MRPS25: variants seen among roughly 807,000 people sequenced by gnomAD.
MRPS25 encodes the protein small ribosomal subunit protein mS25.
A neutral mutation model predicts 17.3 loss-of-function variants in MRPS25; 15 were observed. The ratio of observed to expected loss-of-function variants is 0.87; its 90% CI spans 0.58 to 1.34. The LOEUF (loss-of-function observed/expected upper bound fraction) is 1.34. Among genes scored for constraint, MRPS25 ranks in the 40% most tolerant of loss-of-function variants. The probability of loss-of-function intolerance (pLI) is 0.00; values close to 1 mark genes in which losing one functional copy is unlikely to be tolerated. For synonymous variants in MRPS25, 94 were observed against 83.3 expected (o/e 1.13, Z -0.70); for missense variants, 225 against 218.6 (o/e 1.03, Z -0.19).
intron 1 of MRPS25, among the ~76,000 whole-genome samples, chr3:15,062,146 GCCCCCC>G (rs2042775901): frequency 2.5e-5 from 1 of 39,814 alleles, no homozygotes; most frequent in Non-Finnish European, 5.1e-5. Flanking sequence ...CGGCGGGTCA[GCCCCCC>G]GCCCGGCCAG....
In MRPS25 at chr3:15,049,128, ATTG is replaced by A. The variant is rs1188515930; in HGVS notation, c.*3310_*3312del. The A allele has an allele frequency of 3.9e-5, 6 of 152,598 alleles. No homozygotes were observed. The highest frequency in any genetic ancestry group is 5.9e-5 in the Non-Finnish European group (4 of 68,028). 9.5% of individuals were successfully genotyped at this position (152,598 alleles called of 1,614,324 possible). On this transcript the variant is annotated 3_prime_UTR_variant, in exon 4 of 4. Coordinates refer to ENST00000253686, the MANE Select transcript of MRPS25 (RefSeq NM_022497.5). ...TCTTCAGTCTTGAAGAAGAATTTGC[ATTG>A]TTGTGTTTGTATATAGAGTATTGCA...
intron 1 of MRPS25, among the ~76,000 whole-genome samples, chr3:15,060,658 G>A (rs55902145): frequency 0.028 from 4,240 of 152,240 alleles, 103 homozygotes; most frequent in Non-Finnish European, 0.041. Flanking sequence ...CGAGGCGGGT[G>A]GATCACGAGG....
rs570471498 is a variant in MRPS25 at position 15,048,797 on chromosome 3, C to T, written c.*3644G>A. 1.4e-4 allele frequency: 21 copies of T among 152,696 alleles called. No homozygotes were observed. Among genetic ancestry groups the T allele is most frequent in the African/African-American group, 2.6e-4 (11 of 41,566 alleles). The allele number at this position is 152,696 out of a possible 1,614,324, so 9.5% of individuals were successfully genotyped here. The stretch of plus-strand genomic sequence containing the variant: ...GCTGCACATTTTTCACAGTACAAGC[C>T]GTAGTTTTTACCTGTAGTTTGGACT... On this transcript the variant is annotated 3_prime_UTR_variant, in exon 4 of 4. Transcript: ENST00000253686.
chr3:15,052,567 T>G lies in MRPS25; in HGVS notation c.396A>C (p.Arg132=), dbSNP rs2042618821. Residue 132 remains arginine, a synonymous_variant, in exon 4 of 4, where the codon CGA becomes CGC. Coordinates refer to ENST00000253686, the MANE Select transcript of MRPS25 (RefSeq NM_022497.5). ...AGATGCACTCCCGCAGGCAGTACTT[T>G]CGAGGGCCGAAGTTGGCTGGGTGAG... is the stretch of plus-strand genomic sequence containing the variant. The part of the protein sequence containing the change: ...QLSHPANFGP[R]KYCLRECICE... 6.2e-7 allele frequency: 1 copy of G among 1,614,074 alleles called. No individual in the cohort carries two copies. Among genetic ancestry groups the G allele is most frequent in the South Asian group, 1.1e-5 (1 of 91,082 alleles).
chr3:15,055,205 C>A (rs554252354), intron 2 of MRPS25, among the ~76,000 whole-genome samples: 1 of 152,326 alleles, frequency 6.6e-6, no homozygotes, highest in Middle Eastern at 3.4e-3. Flanking sequence ...ACCGCCCCCA[C>A]GGTGACTAGG....
chr3:15,050,788 CCAT>C lies in MRPS25; in HGVS notation c.*1650_*1652del. ...ACCTTCCCCTCCCACCCCCGACAAG[CCAT>C]CACCCCAAACCCAGATCTGGTACAG... On this transcript the variant is annotated 3_prime_UTR_variant, in exon 4 of 4. Transcript: ENST00000253686. 2.0e-6 allele frequency: 2 copies of C among 985,438 alleles called. No individual in the cohort carries two copies. The highest frequency in any genetic ancestry group is 2.4e-6 in the Non-Finnish European group (2 of 829,944). The allele number at this position is 985,438 out of a possible 1,614,324, so 61.0% of individuals were successfully genotyped here.
rs1407542707 is a variant in MRPS25 at position 15,051,253 on chromosome 3, A to G, written c.*1188T>C. 3.5e-5 allele frequency: 31 copies of G among 892,376 alleles called. No homozygotes were observed. Among genetic ancestry groups the G allele is most frequent in the Non-Finnish European group, 4.2e-5 (31 of 745,168 alleles). 55.3% of individuals were successfully genotyped at this position (892,376 alleles called of 1,614,324 possible). On this transcript the variant is annotated 3_prime_UTR_variant, in exon 4 of 4. Coordinates refer to ENST00000253686, the MANE Select transcript of MRPS25 (RefSeq NM_022497.5). Reference sequence around the variant, plus strand: ...GGCTGGAGTGCAGTAGCGCACGATCATGATTCACTGCAGCCTTGATCTCGC... The same window carrying G: ...GGCTGGAGTGCAGTAGCGCACGATCGTGATTCACTGCAGCCTTGATCTCGC...
At chr3:15,044,361 G>A (rs909270149), downstream of MRPS25, 4 of 152,204 alleles carry the variant, frequency 2.6e-5, no homozygotes, top group Admixed American at 2.0e-4. Flanking sequence ...TTTAAATGCA[G>A]GCTGCTTGCT....
At chr3:15,061,629 G>C (rs181843967) in intron 1 of MRPS25, among the ~76,000 whole-genome samples, 4 of 152,174 alleles carry the variant, frequency 2.6e-5, no homozygotes, top group African/African-American at 4.8e-5. Flanking sequence ...GCCTCTGCCC[G>C]GCCACCACCC....
chr3:15,051,516 GCT>G lies in MRPS25; in HGVS notation c.*923_*924del. On this transcript the variant is annotated 3_prime_UTR_variant, in exon 4 of 4. Coordinates refer to ENST00000253686, the MANE Select transcript of MRPS25 (RefSeq NM_022497.5). ...CCTATTCTTAAGGTGACCCTAGAAG[GCT>G]CTGCTGTCTTCTGGAGGCTGAAACC... The G allele has an allele frequency of 1.0e-6, 1 of 985,278 alleles. No homozygotes were observed. The allele number at this position is 985,278 out of a possible 1,614,324, so 61.0% of individuals were successfully genotyped here.
At position 15,048,897 on chromosome 3, in the gene MRPS25, A is replaced by AT. The variant is rs2042550367; in HGVS notation, c.*3543dup. ...TATCAAAGGAAAATTTGGGTGTTAG[A>AT]TTTTCTTGGGACCGTTTCTGTAACC... is the stretch of plus-strand genomic sequence containing the variant. On this transcript the variant is annotated 3_prime_UTR_variant, in exon 4 of 4. Coordinates refer to ENST00000253686, the MANE Select transcript of MRPS25 (RefSeq NM_022497.5). 6.6e-6 allele frequency: 1 copy of AT among 152,590 alleles called. No homozygotes were observed. Among genetic ancestry groups the AT allele is most frequent in the Admixed American group, 6.5e-5 (1 of 15,276 alleles). 9.5% of individuals were successfully genotyped at this position (152,590 alleles called of 1,614,324 possible).
chr3:15,047,046 CTGAA>C (rs1241760666), downstream of MRPS25: 2 of 152,612 alleles, frequency 1.3e-5, no homozygotes, highest in Admixed American at 6.5e-5. Flanking sequence ...GGCTGTAAGA[CTGAA>C]TGAATGTACA....
At position 15,051,817 on chromosome 3, in the gene MRPS25, A is replaced by T; in HGVS notation, c.*624T>A. 1.0e-6 allele frequency: 1 copy of T among 985,508 alleles called. No individual in the cohort carries two copies. The highest frequency in any genetic ancestry group is 1.2e-6 in the Non-Finnish European group (1 of 829,990). The allele number at this position is 985,508 out of a possible 1,614,324, so 61.0% of individuals were successfully genotyped here. A position where few individuals can be genotyped will look rare whatever the true frequency, so the allele number is the denominator to read the frequency against. Reference sequence around the variant, plus strand: ...GGCAGTGGCTGACTGGTCAGCAGGTACGTGCCTGAGTGAGGCTGGCCTGTC... The same window carrying T: ...GGCAGTGGCTGACTGGTCAGCAGGTTCGTGCCTGAGTGAGGCTGGCCTGTC... On this transcript the variant is annotated 3_prime_UTR_variant, in exon 4 of 4. Coordinates refer to ENST00000253686, the MANE Select transcript of MRPS25 (RefSeq NM_022497.5).
rs79870383 is a variant in MRPS25, at chr3:15,051,155, A to G, written c.*1286T>C. On this transcript the variant is annotated 3_prime_UTR_variant, in exon 4 of 4. Transcript: ENST00000253686. ...TGAGTTTCTAGGGGTCCGTGGTCCA[A>G]CTGGTCCTTCACTTTATAATTAAAC... 52,702 of 985,184 alleles carry G rather than the reference A, an allele frequency of 0.053. 1,536 individuals are homozygous for G. Among genetic ancestry groups the G allele is most frequent in the East Asian group, 0.066 (581 of 8,804 alleles). 61.0% of individuals were successfully genotyped at this position (985,184 alleles called of 1,614,324 possible). A position where few individuals can be genotyped will look rare whatever the true frequency, so the allele number is the denominator to read the frequency against.
rs571927264 is a variant in MRPS25 at position 15,050,901 on chromosome 3, A to G, written c.*1540T>C. ...TCCAACAGTTAATGAAACACATCGT[A>G]GTATGACATCATTTCACCAGCCAGC... On this transcript the variant is annotated 3_prime_UTR_variant, in exon 4 of 4. Transcript: ENST00000253686. The G allele has an allele frequency of 6.4e-5, 63 of 985,450 alleles. No individual in the cohort carries two copies. The South Asian group carries it at 2.2e-3, about 35-fold the overall frequency. The allele number at this position is 985,450 out of a possible 1,614,324, so 61.0% of individuals were successfully genotyped here. A position where few individuals can be genotyped will look rare whatever the true frequency, so the allele number is the denominator to read the frequency against.
chr3:15,059,220 CT>C (rs2042713213), intron 2 of MRPS25, 148 bp downstream of exon 2: 1 of 619,420 alleles, frequency 1.6e-6, no homozygotes, highest in Non-Finnish European at 2.9e-6. Flanking sequence ...TGCTGAGTGC[CT>C]CGGTATGGGG....
Position 15,051,975 on chromosome 3 carries a change from T to G in MRPS25, c.*466A>C. The G allele has an allele frequency of 2.0e-6, 2 of 987,202 alleles. No homozygotes were observed. Among genetic ancestry groups the G allele is most frequent in the South Asian group, 9.4e-5 (2 of 21,316 alleles). The allele number at this position is 987,202 out of a possible 1,614,324, so 61.2% of individuals were successfully genotyped here. A position where few individuals can be genotyped will look rare whatever the true frequency, so the allele number is the denominator to read the frequency against. ...TTTCTGAAAAATACCCCCAAGGAACTGAACGGAGGGGTGTACACACTGCCA... is the reference window on the plus strand; with the variant it reads ...TTTCTGAAAAATACCCCCAAGGAACGGAACGGAGGGGTGTACACACTGCCA... On this transcript the variant is annotated 3_prime_UTR_variant, in exon 4 of 4. Transcript: ENST00000253686.
chr3:15,065,030 G>C (rs2042834294), intron 1 of MRPS25, 31 bp downstream of exon 1: 4 of 1,548,364 alleles, frequency 2.6e-6, no homozygotes, highest in Non-Finnish European at 3.5e-6. Flanking sequence ...AGCAGGTTAC[G>C]GCTCGCCAGG....
chr3:15,046,465 A>G (rs981210983), downstream of MRPS25: 2 of 152,244 alleles, frequency 1.3e-5, no homozygotes, highest in Non-Finnish European at 2.9e-5. Context: ...TAAGGACTCT[A>G]GCTGTTTCTA....
Sources: allele counts gnomAD v4.1 joint callset (sites outside exome capture counted in the v4.1 genomes callset), GRCh38; gene constraint gnomAD v4.1.1; transcripts MANE v1.5; gene names NCBI Gene and HGNC (gene_info 2026-07-23, HGNC 2026-07-21).